Variants in AKR7A3 observed in about 807,000 individuals in gnomAD.
AKR7A3 encodes the protein AFB1 aldehyde reductase 2.
AKR7A3 carries 37 observed loss-of-function variants against 32.5 expected under a neutral mutation model. That is an observed-to-expected ratio of 1.14 (90% CI 0.88 to 1.50). AKR7A3 has a LOEUF of 1.50. AKR7A3 is among the 40% of genes most tolerant of loss of function. AKR7A3 has a pLI of 0.00. For missense variants in AKR7A3, 412 were observed against 453.2 expected (o/e 0.91, Z 0.83); for synonymous variants, 177 against 188.4 (o/e 0.94, Z 0.50).
intron 3 of AKR7A3, among the ~76,000 whole-genome samples, chr1:19,285,430 C>T (rs899832558): frequency 4.1e-4 from 62 of 151,540 alleles, no homozygotes; most frequent in Admixed American, 4.0e-3. Context: ...ATGAGGCAAT[C>T]ATAATAGACT....
downstream of AKR7A3, among the ~76,000 whole-genome samples, chr1:19,282,402 C>G (rs750097214): frequency 2.0e-4 from 30 of 151,898 alleles, no homozygotes; most frequent in Non-Finnish European, 3.2e-4. Flanking sequence ...GCCGCTTCCC[C>G]CTCTGCCATG....
At position 19,285,096 on chromosome 1, in the gene AKR7A3, T is replaced by G. The variant is rs1230986681; in HGVS notation, c.526A>C (p.Thr176Pro). Residue 176 changes from threonine (T) to proline (P), a missense_variant, in exon 4 of 7, where the codon ACC becomes CCC. By Grantham distance (38) the Thr-to-Pro change is conservative (BLOSUM62 -1). Coordinates refer to ENST00000361640, the MANE Select transcript of AKR7A3 (RefSeq NM_012067.3). ...TVYQGMYNAITRQVETELFPC... is the reference protein window; with the variant it reads ...TVYQGMYNAIPRQVETELFPC... The stretch of plus-strand genomic sequence containing the variant: ...AAGAGCTCCGTTTCCACCTGCCGGG[T>G]GATGGCATTGTACATGCCCTGTAAG... 6.2e-7 allele frequency: 1 copy of G among 1,613,336 alleles called. No homozygotes were observed. The highest frequency in any genetic ancestry group is 1.7e-5 in the Admixed American group (1 of 59,974).
chr1:19,282,418 A>G, downstream of AKR7A3: 2 of 419,440 alleles, frequency 4.8e-6, no homozygotes, highest in South Asian at 4.5e-5. Flanking sequence ...CCATGACTGT[A>G]AGCTTCCTGA....
the AKR7A3 span, among the ~76,000 whole-genome samples, chr1:19,276,718 C>G: frequency 2.0e-5 from 3 of 151,908 alleles, no homozygotes; most frequent in African/African-American, 7.3e-5. Context: ...AGGATAATCA[C>G]TTCAACCTGG....
At chr1:19,286,402 C>T (rs1418636033) in intron 1 of AKR7A3, 30 bp from the exon 2 acceptor site, 1 of 1,607,294 alleles carries the variant, frequency 6.2e-7, no homozygotes, top group Non-Finnish European at 8.5e-7. Flanking sequence ...AAATTCAGGG[C>T]CAGGCGCCGT....
downstream of AKR7A3, among the ~76,000 whole-genome samples, chr1:19,280,473 G>A (rs778082481): frequency 2.0e-4 from 30 of 151,864 alleles, no homozygotes; most frequent in Admixed American, 7.2e-4. Flanking sequence ...CTCACTTTGT[G>A]TTTATTTTCT....
downstream of AKR7A3, among the ~76,000 whole-genome samples, chr1:19,278,994 T>C (rs1312381872): frequency 6.6e-6 from 1 of 151,940 alleles, no homozygotes; most frequent in Non-Finnish European, 1.5e-5. Context: ...GTTTGCTCTG[T>C]CACCCAGGCT....
Position 19,284,729 on chromosome 1 carries a change from C to T in AKR7A3, c.661G>A (p.Gly221Ser). ...GCCCAGGTATTCCCAAAGAAGCGGC[C>T]CACGGGCTGTTTCCCATTCTTGTCC... ...YEDKNGKQPV[G>S]RFFGNTWAEM... Residue 221 changes from glycine (G) to serine (S), a missense_variant, in exon 5 of 7, where the codon GGC becomes AGC. By Grantham distance (56) the Gly-to-Ser change is moderately conservative. Transcript: ENST00000361640. The T allele has an allele frequency of 6.2e-7, 1 of 1,613,846 alleles. No homozygotes were observed. The highest frequency in any genetic ancestry group is 1.1e-5 in the South Asian group (1 of 91,068).
At chr1:19,288,360 G>A in intron 1 of AKR7A3, 136 bp downstream of exon 1, 1 of 1,113,218 alleles carries the variant, frequency 9.0e-7, no homozygotes, top group Non-Finnish European at 1.2e-6. Context: ...AAGGCTGCGA[G>A]GTGAACAGGG....
At chr1:19,280,563 GTTTCT>G (rs796902568), downstream of AKR7A3, among the ~76,000 whole-genome samples, 766 of 141,990 alleles carry the variant, frequency 5.4e-3, 9 homozygotes, top group South Asian at 0.04. Context: ...GGTTCTTTTC[GTTTCT>G]TTTCTTTTCT....
chr1:19,288,728 C>G lies in AKR7A3; in HGVS notation c.-19G>C, dbSNP rs1300694032. On this transcript the variant is annotated 5_prime_UTR_variant, in exon 1 of 7. Transcript: ENST00000361640. The stretch of plus-strand genomic sequence containing the variant: ...GGGACATGACGGCGGCAACGGGAGA[C>G]TGTGACAGCCCAGGAGCCGCGCGCA... The G allele has an allele frequency of 2.7e-6, 4 of 1,471,542 alleles. No individual in the cohort carries two copies. Among genetic ancestry groups the G allele is most frequent in the Non-Finnish European group, 3.6e-6 (4 of 1,114,662 alleles). The allele number at this position is 1,471,542 out of a possible 1,614,324, so 91.2% of individuals were successfully genotyped here. A position where few individuals can be genotyped will look rare whatever the true frequency, so the allele number is the denominator to read the frequency against.
At chr1:19,274,897 T>TAAAAAAAAAAAAAAAA in the AKR7A3 span, among the ~76,000 whole-genome samples, 3 of 6,156 alleles carry the variant, frequency 4.9e-4, no homozygotes, top group African/African-American at 1.2e-3. Context: ...TGTCTCTAAA[T>TAAAAAAAAAAAAAAAA]ACAAAAAAAA....
downstream of AKR7A3, among the ~76,000 whole-genome samples, chr1:19,280,948 C>G (rs1201824908): frequency 2.0e-5 from 3 of 151,846 alleles, no homozygotes; most frequent in Admixed American, 6.5e-5. Flanking sequence ...GGGTTTACTG[C>G]TGGACTCTAA....
rs776250435 is a variant in AKR7A3 at position 19,285,887 on chromosome 1, C to T, written c.507+1G>A. 30 of 1,613,544 alleles carry T rather than the reference C, an allele frequency of 1.9e-5. No individual in the cohort carries two copies. In the South Asian group the frequency reaches 2.5e-4, roughly 14 times the overall value. On this transcript the variant is annotated splice_donor_variant, in intron 3 of 6. Transcript: ENST00000361640. LOFTEE classifies it high-confidence loss of function. ...TTGGCCTCTGCAGCCCTGGCTCTCA[C>T]CTGGTACACAGTGGGCAGGATCCAG...
downstream of AKR7A3, among the ~76,000 whole-genome samples, chr1:19,279,215 G>A (rs1047524058): frequency 6.6e-6 from 1 of 151,834 alleles, no homozygotes; most frequent in Admixed American, 6.6e-5. Context: ...TCCTGCCTTG[G>A]CCTCCCAAAG....
downstream of AKR7A3, chr1:19,282,536 T>G (rs1334417259): frequency 1.1e-6 from 1 of 923,068 alleles, no homozygotes; most frequent in East Asian, 2.6e-5. Flanking sequence ...TCAGGTATTC[T>G]TTTATAGCAA....
downstream of AKR7A3, among the ~76,000 whole-genome samples, chr1:19,282,130 G>A (rs547129683): frequency 3.3e-4 from 50 of 151,884 alleles, no homozygotes; most frequent in African/African-American, 1.2e-3. Flanking sequence ...GCGGGGGGGT[G>A]GTACTGGTAC....
At chr1:19,288,312 G>A (rs2093734519) in intron 1 of AKR7A3, among the ~76,000 whole-genome samples, 184 bp downstream of exon 1, 3 of 151,214 alleles carry the variant, frequency 2.0e-5, no homozygotes. Context: ...GAGAAAAGTT[G>A]TCCGGAGCTA....
chr1:19,286,936 C>G (rs985492327), intron 1 of AKR7A3, among the ~76,000 whole-genome samples: 1 of 151,630 alleles, frequency 6.6e-6, no homozygotes, highest in African/African-American at 2.4e-5. Flanking sequence ...TGAGGACTTT[C>G]GCCAGCCAAC....
Sources: allele counts gnomAD v4.1 joint callset (sites outside exome capture counted in the v4.1 genomes callset), GRCh38; gene constraint gnomAD v4.1.1; transcripts MANE v1.5; gene names NCBI Gene and HGNC (gene_info 2026-07-23, HGNC 2026-07-21).